The following JAG2 variants were observed in gnomAD, a reference collection of about 807,000 sequenced individuals.
JAG2 encodes protein jagged-2.
In JAG2, 46 loss-of-function variants were observed where a neutral mutation model predicts 141.7. The observed-to-expected ratio is 0.32, with a 90% CI of 0.26 to 0.42. The LOEUF (loss-of-function observed/expected upper bound fraction) is 0.42. Ranked by LOEUF, JAG2 falls within the 10% of genes least tolerant of loss-of-function variation. JAG2 has a pLI of 1.00. For synonymous variants in JAG2, 862 were observed against 763.5 expected, an observed-to-expected ratio of 1.13 and a Z score of -2.13; for missense variants, 1,500 against 1,817.5, an observed-to-expected ratio of 0.83 and a Z score of 3.18.
rs201180790 is a variant in JAG2, at chr14:105,151,366, G to A, written c.1184C>T (p.Ala395Val). The A allele has an allele frequency of 1.8e-5, 29 of 1,611,854 alleles. No homozygotes were observed. The highest frequency in any genetic ancestry group is 3.3e-5 in the Admixed American group (2 of 60,000). ...CTGGTCCACACAGGTGCCACCGGCC[G>A]CACACGGGTTCGAAGCACACTCATC... is the stretch of plus-strand genomic sequence containing the variant. The part of the protein sequence containing the change: ...DIDECASNPC[A>V]AGGTCVDQVD... Residue 395 changes from alanine to valine, a missense_variant, in exon 9 of 26, where the codon GCG becomes GTG. Around this residue, in one of 3 missense-constraint regions of JAG2, gnomAD observed 875 missense variants for 1,202.2 expected, o/e 0.73. Transcript: ENST00000331782.
At chr14:105,152,410 G>C (rs1274981719) in intron 5 of JAG2, 119 bp from the exon 6 acceptor site, 1 of 1,184,682 alleles carries the variant, frequency 8.4e-7, no homozygotes, top group African/African-American at 1.5e-5. Flanking sequence ...TCAGGCCTTT[G>C]AACTGGAGCA....
chr14:105,144,764 C>T (rs587748183), intron 24 of JAG2, among the ~76,000 whole-genome samples, 166 bp downstream of exon 24: 1 of 152,342 alleles, frequency 6.6e-6, no homozygotes, highest in South Asian at 2.1e-4. Flanking sequence ...GGGAGCAGTT[C>T]CACGGGTCTG....
chr14:105,147,549 C>A (rs1296407425), intron 18 of JAG2, 22 bp from the exon 19 acceptor site: 1 of 1,609,474 alleles, frequency 6.2e-7, no homozygotes, highest in East Asian at 2.2e-5. Flanking sequence ...GAAGAGAACG[C>A]AGGGGATCAG....
chr14:105,149,774 A>G (rs1408815650), intron 12 of JAG2, among the ~76,000 whole-genome samples: 1 of 132,930 alleles, frequency 7.5e-6, no homozygotes. Context: ...AGGCCAGGGC[A>G]GGATCGTGGG....
At chr14:105,161,513 C>T (rs587643709) in intron 2 of JAG2, among the ~76,000 whole-genome samples, 1 of 152,318 alleles carries the variant, frequency 6.6e-6, no homozygotes, top group East Asian at 1.9e-4. Flanking sequence ...GAGCCCAGGG[C>T]TCCGGTTACC....
At chr14:105,153,682 C>A (rs965998782) in intron 5 of JAG2, among the ~76,000 whole-genome samples, 1 of 152,168 alleles carries the variant, frequency 6.6e-6, no homozygotes, top group Non-Finnish European at 1.5e-5. Context: ...CCCGACAGGG[C>A]CAGCAAGAGG....
At chr14:105,147,614 C>T in intron 18 of JAG2, 87 bp from the exon 19 acceptor site, 1 of 1,395,838 alleles carries the variant, frequency 7.2e-7, no homozygotes, top group African/African-American at 1.4e-5. Flanking sequence ...CGTGATCAGG[C>T]TGTGGGGCTG....
At chr14:105,148,002 G>GGGCAGGT (rs199708947) in intron 17 of JAG2, 114 bp from the exon 18 acceptor site, 9 of 1,144,820 alleles carry the variant, frequency 7.9e-6, no homozygotes, top group Admixed American at 4.0e-5. Context: ...AGGGGGCAGG[G>GGGCAGGT]GGCAGGTGGC....
chr14:105,158,541 C>T (rs1383305934), intron 2 of JAG2, among the ~76,000 whole-genome samples: 1 of 152,186 alleles, frequency 6.6e-6, no homozygotes, highest in Non-Finnish European at 1.5e-5. Flanking sequence ...AAAGAGACCA[C>T]AGGGCTGGCC....
intron 15 of JAG2, 147 bp downstream of exon 15, chr14:105,148,598 G>C: frequency 4.5e-6 from 4 of 880,822 alleles, no homozygotes; most frequent in Non-Finnish European, 7.0e-6. Flanking sequence ...GGGCAGCCTG[G>C]GACTCCACCC....
chr14:105,150,617 C>A lies in JAG2; in HGVS notation c.1589G>T (p.Gly530Val). 6.5e-7 allele frequency: 1 copy of A among 1,548,856 alleles called. No homozygotes were observed. Among genetic ancestry groups the A allele is most frequent in the Non-Finnish European group, 8.7e-7 (1 of 1,146,208 alleles). ...FHCHCPQGFS[G>V]PLCEVDVDLC... ...GGCAGACCTCACCTCACAGAGAGGC[C>A]CGGAGAAGCCCTGGGGGCAGTGGCA... Residue 530 changes from glycine to valine, a missense_variant, in exon 12 of 26, where the codon GGG (glycine) becomes GTG (valine). This residue lies in a region of JAG2 where 875 missense variants were observed against 1,202.2 expected (regional missense o/e 0.73). Coordinates refer to ENST00000331782, the MANE Select transcript of JAG2 (RefSeq NM_002226.5).
At chr14:105,148,667 C>A in intron 15 of JAG2, 78 bp downstream of exon 15, 1 of 1,289,484 alleles carries the variant, frequency 7.8e-7, no homozygotes, top group Non-Finnish European at 1.1e-6. Context: ...CGCACCCAGA[C>A]AGCGGTCCAT....
At chr14:105,162,494 G>A (rs1888778106) in intron 2 of JAG2, among the ~76,000 whole-genome samples, 1 of 151,746 alleles carries the variant, frequency 6.6e-6, no homozygotes, top group East Asian at 1.9e-4. Context: ...GGTACCCCAG[G>A]TCCAGGGCAC....
Position 105,149,040 on chromosome 14 carries a change from T to C in JAG2, c.1803A>G (p.Ala601=), listed in dbSNP as rs780734401. The change falls in exon 14 of 26, where the codon GCA becomes GCG. Residue 601 remains alanine, a synonymous_variant. Transcript: ENST00000331782. ...CATGGGGGCCACACACGCCGGAGGC[T>C]GCTGTGCCAGGCATCCCAGGCCCCG... is the stretch of plus-strand genomic sequence containing the variant. ...SDAGPGMPGT[A]ASGVCGPHGR... is the part of the protein sequence containing the mutation. The C allele has an allele frequency of 1.9e-6, 3 of 1,608,292 alleles. No individual in the cohort carries two copies. The Admixed American group carries it at 5.0e-5, about 27-fold the overall frequency.
intron 2 of JAG2, among the ~76,000 whole-genome samples, chr14:105,164,057 C>A (rs1018056701): frequency 1.3e-5 from 2 of 152,048 alleles, no homozygotes; most frequent in African/African-American, 4.8e-5. Context: ...CCCCTGAGAG[C>A]AGCAGTCCCC....
At chr14:105,152,522 C>G (rs1685932449) in intron 5 of JAG2, among the ~76,000 whole-genome samples, 1 of 152,198 alleles carries the variant, frequency 6.6e-6, no homozygotes, top group African/African-American at 2.4e-5. Context: ...TCCCGTCACT[C>G]CTCCCTGAGC....
intron 24 of JAG2, 127 bp from the exon 25 acceptor site, chr14:105,143,765 C>A: frequency 8.7e-7 from 1 of 1,153,074 alleles, no homozygotes; most frequent in South Asian, 1.4e-5. Flanking sequence ...GCCCGGGGTC[C>A]TGCAGTGGCG....
chr14:105,163,585 G>A (rs1402981211), intron 2 of JAG2, among the ~76,000 whole-genome samples: 2 of 139,604 alleles, frequency 1.4e-5, no homozygotes, highest in East Asian at 3.9e-4. Context: ...CTCCGCTCAG[G>A]CCTGTGGTCT....
Position 105,148,677 on chromosome 14 carries a change from T to C in JAG2, c.2020+68A>G, listed in dbSNP as rs587649970. On this transcript the variant is annotated intron_variant, in intron 15 of 25. Coordinates refer to ENST00000331782, the MANE Select transcript of JAG2 (RefSeq NM_002226.5). ...CCTGCCGCACCCAGACAGCGGTCCA[T>C]CTCAGGGTGATAAGGGGCCCACAGG... 24 of 1,360,082 alleles carry C rather than the reference T, an allele frequency of 1.8e-5. 1 individual carries two copies. The South Asian group carries it at 3.0e-4, about 17-fold the overall frequency. 84.3% of individuals were successfully genotyped at this position (1,360,082 alleles called of 1,614,324 possible).
Sources: gnomAD v4.1 joint callset for allele counts (sites outside exome capture counted in the v4.1 genomes callset) on GRCh38, gnomAD v4.1.1 for gene constraint, gnomAD v4.1.1 regional missense constraint, MANE v1.5 for transcripts, NCBI Gene and HGNC (gene_info 2026-07-23, HGNC 2026-07-21) for gene names.